The following DDX52 variants were observed in gnomAD, a reference collection of about 807,000 sequenced individuals.
The protein encoded by DDX52 is DExD-box helicase 52, also known as probable ATP-dependent RNA helicase DDX52.
Under a neutral mutation model 76.1 loss-of-function variants are expected in DDX52, and 59 were observed. The ratio of observed to expected loss-of-function variants is 0.78; its 90% confidence interval spans 0.63 to 0.96. The LOEUF (loss-of-function observed/expected upper bound fraction) is 0.96. Ranked by LOEUF, DDX52 falls within the 40% of genes least tolerant of loss-of-function variation. The probability of loss-of-function intolerance (pLI) is 0.00; values close to 1 mark genes in which losing one functional copy is unlikely to be tolerated. For missense variants in DDX52, 707 were observed against 703.9 expected, an observed-to-expected ratio of 1.00 and a Z score of -0.05; for synonymous variants, 231 against 244.1, an observed-to-expected ratio of 0.95 and a Z score of 0.50.
At chr17:37,643,177 G>A in intron 1 of DDX52, 157 bp downstream of exon 1, 2 of 666,538 alleles carry the variant, frequency 3.0e-6, no homozygotes, top group Non-Finnish European at 2.5e-6. Context: ...GAGCAGCCGT[G>A]CAGGCAAGCC....
chr17:37,643,191 C>G, intron 1 of DDX52, 143 bp downstream of exon 1: 1 of 771,326 alleles, frequency 1.3e-6, no homozygotes, highest in South Asian at 1.8e-5. Flanking sequence ...GCAAGCCGAA[C>G]ACAAAAGGAA....
At chr17:37,636,215 CTT>C (rs1192072583) in intron 2 of DDX52, among the ~76,000 whole-genome samples, 3 of 152,122 alleles carry the variant, frequency 2.0e-5, no homozygotes, top group Non-Finnish European at 4.4e-5. Flanking sequence ...TCTTCTGGAA[CTT>C]TTATAGTTTT....
rs2064378943 is a variant in DDX52 at position 37,612,437 on chromosome 17, C to G, written c.*1859G>C. The G allele has an allele frequency of 6.6e-6, 1 of 152,108 alleles. No homozygotes were observed. Among genetic ancestry groups the G allele is most frequent in the African/African-American group, 2.4e-5 (1 of 41,408 alleles). 9.4% of individuals were successfully genotyped at this position (152,108 alleles called of 1,614,324 possible). On this transcript the variant is annotated 3_prime_UTR_variant, in exon 15 of 15. Coordinates refer to ENST00000617633, the MANE Select transcript of DDX52 (RefSeq NM_007010.5). ...AGTGTGCAGTGTTTATACAAGTCTA[C>G]ATGTTCCAACTGTCTATAGCATGCA...
chr17:37,621,152 G>A lies in DDX52; in HGVS notation c.1476C>T (p.Ser492=). ...CTATCCTGTGGATATATTCCACTGA[G>A]CTAGTTGGAAAGTCATAGTTGATCA... ...NLVINYDFPT[S]SVEYIHRIGR... Residue 492 remains serine (S), a synonymous_variant, in exon 11 of 15, where the codon AGC becomes AGT. Transcript: ENST00000617633. The A allele has an allele frequency of 6.2e-7, 1 of 1,612,406 alleles. No individual in the cohort carries two copies. The highest frequency in any genetic ancestry group is 2.2e-5 in the East Asian group (1 of 44,870).
intron 14 of DDX52, chr17:37,615,033 A>T (rs2064408400): frequency 6.6e-6 from 1 of 152,186 alleles, no homozygotes; most frequent in South Asian, 2.1e-4. Context: ...TCCCCGACTC[A>T]CTGCATGGGG....
rs1242145358 is a variant in DDX52 at position 37,625,189 on chromosome 17, C to T, written c.1136+706G>A. Among the ~76,000 whole-genome samples the T allele has an allele frequency of 7.2e-5, 11 of 152,052 alleles. No individual in the cohort carries two copies. The East Asian group carries it at 1.5e-3, about 21-fold the overall frequency. On this transcript the variant is annotated intron_variant, in intron 8 of 14. Coordinates refer to ENST00000617633, the MANE Select transcript of DDX52 (RefSeq NM_007010.5). Reference sequence around the variant, plus strand: ...TGTATTTTTGGAAGAGATGGGGTTTCGCCATGTTGGTCAGGCTGGTCTCGA... The same window carrying T: ...TGTATTTTTGGAAGAGATGGGGTTTTGCCATGTTGGTCAGGCTGGTCTCGA...
At chr17:37,643,238 G>T in intron 1 of DDX52, 96 bp downstream of exon 1, 1 of 1,329,684 alleles carries the variant, frequency 7.5e-7, no homozygotes. Flanking sequence ...CCAGGCCACG[G>T]GTGTCCAAGT....
At chr17:37,620,585 C>T (rs921398648) in intron 12 of DDX52, 23 of 274,248 alleles carry the variant, frequency 8.4e-5, no homozygotes, top group Non-Finnish European at 1.3e-4. Flanking sequence ...ATGCAGGAAA[C>T]TCATCTTCTA....
Position 37,618,403 on chromosome 17 carries a change from A to G in DDX52, c.1650-19T>C, listed in dbSNP as rs771944145. ...TTGTTTGCTGAAAGTTACAAAGTAAAAAAGGAAAAGAATTAAGTGCAACTT... is the reference window on the plus strand; with the variant it reads ...TTGTTTGCTGAAAGTTACAAAGTAAGAAAGGAAAAGAATTAAGTGCAACTT... On this transcript the variant is annotated intron_variant, in intron 13 of 14. Coordinates refer to ENST00000617633, the MANE Select transcript of DDX52 (RefSeq NM_007010.5). 1 of 1,562,578 alleles carries G rather than the reference A, an allele frequency of 6.4e-7. No homozygotes were observed. The highest frequency in any genetic ancestry group is 8.6e-7 in the Non-Finnish European group (1 of 1,160,132).
intron 6 of DDX52, among the ~76,000 whole-genome samples, chr17:37,627,133 G>C (rs570906643): frequency 1.8e-4 from 28 of 152,294 alleles, no homozygotes; most frequent in African/African-American, 6.5e-4. Context: ...GGGCTCAAGA[G>C]ATCTTCTGGC....
chr17:37,613,067 C>T lies in DDX52; in HGVS notation c.*1229G>A, dbSNP rs2064386216. The T allele has an allele frequency of 6.6e-6, 1 of 152,108 alleles. No individual in the cohort carries two copies. Among genetic ancestry groups the T allele is most frequent in the African/African-American group, 2.4e-5 (1 of 41,422 alleles). 9.4% of individuals were successfully genotyped at this position (152,108 alleles called of 1,614,324 possible). A position where few individuals can be genotyped will look rare whatever the true frequency, so the allele number is the denominator to read the frequency against. ...AAGTCCACCTGTTCTGACTCTAGAACAAAAAGCTACAAATAGAGGAAATAA... is the reference window on the plus strand; with the variant it reads ...AAGTCCACCTGTTCTGACTCTAGAATAAAAAGCTACAAATAGAGGAAATAA... On this transcript the variant is annotated 3_prime_UTR_variant, in exon 15 of 15. Coordinates refer to ENST00000617633, the MANE Select transcript of DDX52 (RefSeq NM_007010.5).
At chr17:37,641,686 G>A (rs1422080330) in intron 2 of DDX52, among the ~76,000 whole-genome samples, 4 of 151,978 alleles carry the variant, frequency 2.6e-5, no homozygotes, top group Admixed American at 6.5e-5. Context: ...GCAGTGAGCC[G>A]AGATCGCGCC....
rs2064275255 is a variant in DDX52 at position 37,609,914 on chromosome 17, A to C, written c.*4382T>G. 6.6e-6 allele frequency: 1 copy of C among 152,240 alleles called. No individual in the cohort carries two copies. Among genetic ancestry groups the C allele is most frequent in the African/African-American group, 2.4e-5 (1 of 41,436 alleles). The allele number at this position is 152,240 out of a possible 1,614,324, so 9.4% of individuals were successfully genotyped here. On this transcript the variant is annotated 3_prime_UTR_variant, in exon 15 of 15. Transcript: ENST00000617633. Reference sequence around the variant, plus strand: ...TGTTGGCACCTATCACAGACGCTGAAGGCATTTAAATTTTATTTTAAATCA... The same window carrying C: ...TGTTGGCACCTATCACAGACGCTGACGGCATTTAAATTTTATTTTAAATCA...
At chr17:37,619,727 C>A in intron 13 of DDX52, 41 bp downstream of exon 13, 3 of 1,527,632 alleles carry the variant, frequency 2.0e-6, no homozygotes, top group Non-Finnish European at 2.7e-6. Context: ...AATGTATATA[C>A]AAAGAGACAG....
chr17:37,612,944 T>TA lies in DDX52; in HGVS notation c.*1351dup, dbSNP rs2064384712. 6.6e-6 allele frequency: 1 copy of TA among 152,214 alleles called. No individual in the cohort carries two copies. Among genetic ancestry groups the TA allele is most frequent in the Non-Finnish European group, 1.5e-5 (1 of 68,030 alleles). 9.4% of individuals were successfully genotyped at this position (152,214 alleles called of 1,614,324 possible). A position where few individuals can be genotyped will look rare whatever the true frequency, so the allele number is the denominator to read the frequency against. ...TTTGCATGAACAAACAAAAAAATCA[T>TA]ATTCTTGTAAGTATTTTTACACCCT... On this transcript the variant is annotated 3_prime_UTR_variant, in exon 15 of 15. Coordinates refer to ENST00000617633, the MANE Select transcript of DDX52 (RefSeq NM_007010.5).
At chr17:37,623,814 C>T (rs1454821981) in intron 9 of DDX52, among the ~76,000 whole-genome samples, 3 of 152,184 alleles carry the variant, frequency 2.0e-5, no homozygotes, top group African/African-American at 7.2e-5. Context: ...TATTTTATCC[C>T]TCTAAACAAG....
intron 2 of DDX52, among the ~76,000 whole-genome samples, chr17:37,637,187 G>T (rs1256032835): frequency 4.6e-5 from 7 of 151,958 alleles, no homozygotes; most frequent in Non-Finnish European, 8.8e-5. Context: ...GTGCAGTGGT[G>T]TGATCTCGGC....
intron 2 of DDX52, among the ~76,000 whole-genome samples, chr17:37,635,918 G>A (rs895683864): frequency 6.6e-6 from 1 of 152,094 alleles, no homozygotes; most frequent in African/African-American, 2.4e-5. Context: ...ACTGTATTGT[G>A]GTTTTAATTT....
intron 9 of DDX52, among the ~76,000 whole-genome samples, chr17:37,623,785 T>C (rs1490954735): frequency 6.6e-6 from 1 of 152,224 alleles, no homozygotes; most frequent in Non-Finnish European, 1.5e-5. Context: ...TATCAGAGAC[T>C]ATCTTACACA....
Sources: gnomAD v4.1 joint callset for allele counts (sites outside exome capture counted in the v4.1 genomes callset) on GRCh38, gnomAD v4.1.1 for gene constraint, MANE v1.5 for transcripts, NCBI Gene and HGNC (gene_info 2026-07-23, HGNC 2026-07-21) for gene names.